Variants in BEST1 observed in about 807,000 individuals in gnomAD.
BEST1 encodes the protein bestrophin-1.
In BEST1, 58 loss-of-function variants were observed where a neutral mutation model predicts 63.3. The observed-to-expected ratio is 0.92, with a 90% CI of 0.74 to 1.14. BEST1 has a LOEUF of 1.14. BEST1 is among the 50% of genes most tolerant of loss of function. The probability of loss-of-function intolerance (pLI) is 0.00; values close to 1 mark genes in which losing one functional copy is unlikely to be tolerated. For missense variants in BEST1, 671 were observed against 740.1 expected (o/e 0.91, Z 1.08); for synonymous variants, 283 against 291.6 (o/e 0.97, Z 0.30).
chr11:61,963,621 G>T, intron 10 of BEST1: 2 of 1,024,670 alleles, frequency 2.0e-6, no homozygotes, highest in Non-Finnish European at 2.3e-6. Context: ...TTACTTTCAC[G>T]GTCAGAACAC....
At chr11:61,954,958 T>G in intron 2 of BEST1, 149 bp from the exon 3 acceptor site, 1 of 1,497,816 alleles carries the variant, frequency 6.7e-7, no homozygotes, top group Non-Finnish European at 8.9e-7. Context: ...TGGACCTGGC[T>G]CAGGCCTCAG....
intron 4 of BEST1, 131 bp downstream of exon 4, chr11:61,956,082 G>A (rs1941316169): frequency 1.0e-6 from 1 of 995,438 alleles, no homozygotes; most frequent in Admixed American, 2.6e-5. Context: ...GGAGTGGGGT[G>A]TAGTCAAGAT....
intron 2 of BEST1, among the ~76,000 whole-genome samples, chr11:61,953,886 AAAACAAACAAAC>A (rs112657532): frequency 1.0e-4 from 15 of 150,732 alleles, no homozygotes; most frequent in Middle Eastern, 3.4e-3. Context: ...ACCCTATCTC[AAAACAAACAAAC>A]AAACAAACAA....
rs1021131525 is a variant in BEST1, at chr11:61,954,605, G to A, written c.153-502G>A. 9.2e-5 allele frequency among the ~76,000 whole-genome samples: 14 copies of A among 152,202 alleles called. No homozygotes were observed. The South Asian group carries it at 1.2e-3, about 14-fold the overall frequency. On this transcript the variant is annotated intron_variant, in intron 2 of 10. Transcript: ENST00000378043. ...TCCTATCTCAGCCTCCAGTGGCTAC[G>A]ACTGCAGGCATACGGCAACGGCACC...
At chr11:61,955,378 T>G (rs1378477544) in intron 3 of BEST1, 177 bp downstream of exon 3, 5 of 1,469,540 alleles carry the variant, frequency 3.4e-6, no homozygotes, top group Non-Finnish European at 4.5e-6. Flanking sequence ...AAACTGAAGT[T>G]AGACGTTAGG....
chr11:61,955,499 A>T, intron 3 of BEST1: 1 of 1,126,994 alleles, frequency 8.9e-7, no homozygotes, highest in South Asian at 1.6e-5. Context: ...GATTTCTGGG[A>T]CCAGCAGGGG....
chr11:61,963,915 T>A, intron 10 of BEST1, 189 bp from the exon 11 acceptor site: 1 of 1,400,712 alleles, frequency 7.1e-7, no homozygotes, highest in Non-Finnish European at 9.4e-7. Flanking sequence ...GGAGAATTGC[T>A]TGAACCCAGG....
chr11:61,960,468 T>A (rs1941953460), intron 9 of BEST1: 1 of 226,606 alleles, frequency 4.4e-6, no homozygotes, highest in South Asian at 5.4e-5. Context: ...CCTCCTGGGT[T>A]CAAGTGATTC....
chr11:61,957,365 AT>A (rs1429022984), intron 5 of BEST1, 21 bp from the exon 6 acceptor site: 1 of 1,517,130 alleles, frequency 6.6e-7, no homozygotes, highest in East Asian at 2.3e-5. Flanking sequence ...TCAGAACCCC[AT>A]CCCCCTCTTC....
intron 3 of BEST1, chr11:61,955,499 A>G: frequency 8.9e-7 from 1 of 1,126,994 alleles, no homozygotes; most frequent in Non-Finnish European, 1.2e-6. Context: ...GATTTCTGGG[A>G]CCAGCAGGGG....
chr11:61,960,090 G>C, intron 9 of BEST1, 47 bp downstream of exon 9: 1 of 1,588,780 alleles, frequency 6.3e-7, no homozygotes, highest in African/African-American at 1.3e-5. Flanking sequence ...TCCTAGTGCA[G>C]GGGTCTGCCT....
At chr11:61,955,033 G>T in intron 2 of BEST1, 74 bp from the exon 3 acceptor site, 3 of 1,596,316 alleles carry the variant, frequency 1.9e-6, no homozygotes, top group East Asian at 2.3e-5. Context: ...ACCCAGGGCC[G>T]GGCTAGACCT....
At chr11:61,959,435 A>T in intron 7 of BEST1, 63 bp from the exon 8 acceptor site, 3 of 1,526,516 alleles carry the variant, frequency 2.0e-6, no homozygotes, top group Non-Finnish European at 2.7e-6. Flanking sequence ...CTGAGGTTTA[A>T]AGGGGGAAGC....
At chr11:61,955,544 G>A (rs1293529566) in intron 3 of BEST1, 174 bp from the exon 4 acceptor site, 10 of 997,386 alleles carry the variant, frequency 1.0e-5, no homozygotes, top group African/African-American at 1.6e-5. Flanking sequence ...GGGCTCTCGC[G>A]CCTCCATGCG....
intron 2 of BEST1, among the ~76,000 whole-genome samples, chr11:61,952,891 T>A (rs561187388): frequency 6.6e-6 from 1 of 152,124 alleles, no homozygotes; most frequent in Non-Finnish European, 1.5e-5. Flanking sequence ...GGGGATCACT[T>A]GAGCCTGGGA....
Position 61,962,348 on chromosome 11 carries a change from C to G in BEST1, c.1194C>G (p.Ser398=). 1 of 1,614,174 alleles carries G rather than the reference C, an allele frequency of 6.2e-7. No homozygotes were observed. Among genetic ancestry groups the G allele is most frequent in the Non-Finnish European group, 8.5e-7 (1 of 1,180,036 alleles). ...TTGGCCGCTTCCTAGGCCTGCAGTCCCATGATCACCATCCTCCCAGGGCAA... is the reference window on the plus strand; with the variant it reads ...TTGGCCGCTTCCTAGGCCTGCAGTCGCATGATCACCATCCTCCCAGGGCAA... ...GIIGRFLGLQ[S]HDHHPPRANS... The change falls in exon 10 of 11, where the codon TCC becomes TCG. Residue 398 remains serine, a synonymous_variant. Transcript: ENST00000378043.
intron 10 of BEST1, 149 bp from the exon 11 acceptor site, chr11:61,963,955 T>C: frequency 6.7e-7 from 1 of 1,486,508 alleles, no homozygotes; most frequent in South Asian, 1.3e-5. Flanking sequence ...ATTGAGCAAC[T>C]GCAATCCAGC....
chr11:61,963,043 T>A lies in BEST1; in HGVS notation c.1739+150T>A, dbSNP rs772819960. 28 of 1,530,526 alleles carry A rather than the reference T, an allele frequency of 1.8e-5. No individual in the cohort carries two copies. In the South Asian group the frequency reaches 2.7e-4, roughly 15 times the overall value. The allele number at this position is 1,530,526 out of a possible 1,614,324, so 94.8% of individuals were successfully genotyped here. A position where few individuals can be genotyped will look rare whatever the true frequency, so the allele number is the denominator to read the frequency against. On this transcript the variant is annotated intron_variant, in intron 10 of 10. Coordinates refer to ENST00000378043, the MANE Select transcript of BEST1 (RefSeq NM_004183.4). ...CTACGCCCAGCACTGGCTTGGGGTATATACTTGGCCACCTTCACAGGGATC... is the reference window on the plus strand; with the variant it reads ...CTACGCCCAGCACTGGCTTGGGGTAAATACTTGGCCACCTTCACAGGGATC...
At chr11:61,960,286 C>A in intron 9 of BEST1, 1 of 602,362 alleles carries the variant, frequency 1.7e-6, no homozygotes, top group Non-Finnish European at 2.9e-6. Flanking sequence ...ACATAGCTAC[C>A]AAATGGTGCA....
Sources: gnomAD v4.1 joint callset for allele counts (sites outside exome capture counted in the v4.1 genomes callset) on GRCh38, gnomAD v4.1.1 for gene constraint, MANE v1.5 for transcripts, NCBI Gene and HGNC (gene_info 2026-07-23, HGNC 2026-07-21) for gene names.